The following NELL1 variants were observed in gnomAD, a reference collection of about 807,000 sequenced individuals.
The protein encoded by NELL1 is neural EGFL like 1.
Under a neutral mutation model 107.4 loss-of-function variants are expected in NELL1, and 76 were observed. That is an observed-to-expected ratio of 0.71 (90% CI 0.59 to 0.86). The LOEUF (loss-of-function observed/expected upper bound fraction) is 0.86. Among genes scored for constraint, NELL1 ranks in the 40% least tolerant of loss-of-function variants. The pLI, the probability that NELL1 is intolerant of heterozygous loss-of-function variation, is 0.00. For missense variants in NELL1, 1,024 were observed against 1,005.5 expected (o/e 1.02, Z -0.25); for synonymous variants, 353 against 341.2 (o/e 1.03, Z -0.38).
At chr11:21,193,600 A>C (rs1857091661) in intron 13 of NELL1, among the ~76,000 whole-genome samples, 1 of 152,060 alleles carries the variant, frequency 6.6e-6, no homozygotes, top group South Asian at 2.1e-4. Flanking sequence ...TAATTTTATA[A>C]GTACATTTAA....
At chr11:21,334,357 T>A (rs559351021) in intron 14 of NELL1, among the ~76,000 whole-genome samples, 1 of 151,976 alleles carries the variant, frequency 6.6e-6, no homozygotes, top group Non-Finnish European at 1.5e-5. Context: ...AAATGCCTTG[T>A]TGGTAAGTTT....
In NELL1 at chr11:20,837,248, G is replaced by A. The variant is rs546224703; in HGVS notation, c.336-10335G>A. 2.6e-5 allele frequency among the ~76,000 whole-genome samples: 4 copies of A among 152,218 alleles called. No homozygotes were observed. In the South Asian group the frequency reaches 8.3e-4, roughly 32 times the overall value. On this transcript the variant is annotated intron_variant, in intron 3 of 19. Coordinates refer to ENST00000357134, the MANE Select transcript of NELL1 (RefSeq NM_006157.5). ...GAATAATTAATTAAGTAAATTGATG[G>A]TAGATCATGGGAGATTACAGATAAG...
intron 14 of NELL1, among the ~76,000 whole-genome samples, chr11:21,238,079 A>T (rs906839167): frequency 6.6e-6 from 1 of 152,118 alleles, no homozygotes; most frequent in Non-Finnish European, 1.5e-5. Context: ...AGGATCCTTG[A>T]TTCCTTCTTC....
chr11:21,004,773 G>A (rs1852294620), intron 12 of NELL1, among the ~76,000 whole-genome samples: 5 of 152,066 alleles, frequency 3.3e-5, no homozygotes, highest in Admixed American at 3.3e-4. Flanking sequence ...GCAGCATATA[G>A]TATATTAAAA....
At chr11:21,233,133 C>T (rs1053992618) in intron 14 of NELL1, among the ~76,000 whole-genome samples, 2 of 152,112 alleles carry the variant, frequency 1.3e-5, no homozygotes, top group East Asian at 1.9e-4. Context: ...GATGGGTTTC[C>T]GTGGTGGTCG....
chr11:20,885,615 G>T, intron 5 of NELL1, 75 bp downstream of exon 5: 2 of 931,626 alleles, frequency 2.1e-6, no homozygotes, highest in Non-Finnish European at 3.5e-6. Context: ...TATTGGAGCC[G>T]TGTTTATAAT....
chr11:20,689,600 AC>A (rs1427025381), intron 2 of NELL1, among the ~76,000 whole-genome samples: 1 of 148,188 alleles, frequency 6.7e-6, no homozygotes, highest in African/African-American at 2.5e-5. Flanking sequence ...TCATGTCCCC[AC>A]AAAGGACATG....
intron 13 of NELL1, among the ~76,000 whole-genome samples, chr11:21,227,104 A>G (rs1369631851): frequency 1.3e-5 from 2 of 152,172 alleles, no homozygotes; most frequent in Non-Finnish European, 2.9e-5. Flanking sequence ...TGCGTGAGCA[A>G]CTCTAATTGA....
At chr11:20,677,524 C>T (rs1362980374) in intron 1 of NELL1, among the ~76,000 whole-genome samples, 2 of 152,066 alleles carry the variant, frequency 1.3e-5, no homozygotes, top group Non-Finnish European at 2.9e-5. Flanking sequence ...TTATTTATGC[C>T]AATTAGAGAA....
At chr11:20,970,122 A>G (rs972207049) in intron 12 of NELL1, among the ~76,000 whole-genome samples, 2 of 126,374 alleles carry the variant, frequency 1.6e-5, no homozygotes, top group Non-Finnish European at 3.3e-5. Context: ...AGATATATCT[A>G]CCAACATGTA....
chr11:21,175,600 G>A (rs956318367), intron 13 of NELL1, among the ~76,000 whole-genome samples: 4 of 151,816 alleles, frequency 2.6e-5, no homozygotes, highest in Admixed American at 6.6e-5. Flanking sequence ...TCATCTTTAA[G>A]GTACAAATGG....
intron 2 of NELL1, among the ~76,000 whole-genome samples, chr11:20,752,852 C>A (rs999768280): frequency 6.6e-6 from 1 of 151,972 alleles, no homozygotes; most frequent in Non-Finnish European, 1.5e-5. Flanking sequence ...ATATGGCCCA[C>A]GTATCAGAAA....
intron 4 of NELL1, 39 bp downstream of exon 4, chr11:20,847,792 GAAATCAAGCAATGGAAA>G (rs753688883): frequency 1.3e-6 from 2 of 1,557,820 alleles, no homozygotes; most frequent in South Asian, 2.4e-5. Context: ...TTCTGCCCTT[GAAATCAAGCAATGGAAA>G]AGGGGAAAAA....
intron 12 of NELL1, among the ~76,000 whole-genome samples, chr11:21,066,827 G>A (rs1215298907): frequency 2.6e-5 from 4 of 151,988 alleles, no homozygotes; most frequent in Non-Finnish European, 5.9e-5. Context: ...GATGGTGCAC[G>A]CTTGTAATCC....
At chr11:21,280,440 A>G (rs1451784916) in intron 14 of NELL1, among the ~76,000 whole-genome samples, 1 of 152,226 alleles carries the variant, frequency 6.6e-6, no homozygotes, top group Non-Finnish European at 1.5e-5. Flanking sequence ...AGGGTAGGAA[A>G]GACAGTGTTG....
At chr11:21,406,295 T>C (rs959266431) in intron 15 of NELL1, among the ~76,000 whole-genome samples, 1 of 152,040 alleles carries the variant, frequency 6.6e-6, no homozygotes, top group Non-Finnish European at 1.5e-5. Flanking sequence ...GAAAGTTCTG[T>C]ACGTGTTTTT....
chr11:21,503,669 C>G (rs1038208605), intron 15 of NELL1, among the ~76,000 whole-genome samples: 1 of 152,082 alleles, frequency 6.6e-6, no homozygotes, highest in African/African-American at 2.4e-5. Context: ...TACATTGCTT[C>G]CCAGTTTGAG....
chr11:21,278,391 T>TA (rs1482824594), intron 14 of NELL1, among the ~76,000 whole-genome samples: 1 of 152,132 alleles, frequency 6.6e-6, no homozygotes, highest in Non-Finnish European at 1.5e-5. Context: ...AGAAATTTTT[T>TA]AAAAAATCAA....
At chr11:20,807,352 C>T (rs1857406561) in intron 3 of NELL1, among the ~76,000 whole-genome samples, 1 of 152,230 alleles carries the variant, frequency 6.6e-6, no homozygotes, top group Non-Finnish European at 1.5e-5. Context: ...GGAGAATTCT[C>T]TGGATTGCCA....
Sources: allele counts gnomAD v4.1 joint callset (sites outside exome capture counted in the v4.1 genomes callset), GRCh38; gene constraint gnomAD v4.1.1; transcripts MANE v1.5; gene names NCBI Gene and HGNC (gene_info 2026-07-23, HGNC 2026-07-21).